Variants in BLM observed in about 807,000 individuals in gnomAD.
The protein encoded by BLM is BLM RecQ like helicase, also known as recQ-like DNA helicase BLM.
A neutral mutation model predicts 135.3 loss-of-function variants in BLM; 95 were observed. The observed-to-expected ratio is 0.70, with a 90% CI of 0.59 to 0.83. BLM has a LOEUF of 0.83. BLM is among the 40% of genes least tolerant of loss of function. BLM has a pLI of 0.00. For missense variants in BLM, 1,518 were observed against 1,663.9 expected (o/e 0.91, Z 1.53); for synonymous variants, 520 against 589.2 (o/e 0.88, Z 1.70).
At chr15:90,754,252 A>T (rs1895757889) in intron 4 of BLM, among the ~76,000 whole-genome samples, 1 of 152,202 alleles carries the variant, frequency 6.6e-6, no homozygotes, top group African/African-American at 2.4e-5. Flanking sequence ...CTATGTAATC[A>T]GACTGACCAG....
At chr15:90,814,123 G>A (rs576575187) in intron 21 of BLM, among the ~76,000 whole-genome samples, 1 of 152,354 alleles carries the variant, frequency 6.6e-6, no homozygotes, top group Admixed American at 6.5e-5. Flanking sequence ...CAGTAAAACT[G>A]CCTTGGAGCC....
intron 1 of BLM, among the ~76,000 whole-genome samples, chr15:90,738,582 A>AACAAT (rs1895282241): frequency 6.6e-6 from 1 of 151,524 alleles, no homozygotes; most frequent in Non-Finnish European, 1.5e-5. Context: ...AACAAAACAA[A>AACAAT]ACAAAACAAA....
intron 14 of BLM, among the ~76,000 whole-genome samples, chr15:90,790,002 T>TG (rs1896862164): frequency 9.9e-6 from 1 of 101,156 alleles, no homozygotes; most frequent in Non-Finnish European, 1.9e-5. Flanking sequence ...TTTTTTTTTT[T>TG]TTTTTTTTTT....
At chr15:90,735,767 A>G (rs1448758727) in intron 1 of BLM, among the ~76,000 whole-genome samples, 1 of 152,176 alleles carries the variant, frequency 6.6e-6, no homozygotes, top group Admixed American at 6.5e-5. Flanking sequence ...GAGAAGGGCA[A>G]TAAAAGAGGG....
At chr15:90,770,505 G>A (rs538241564) in intron 12 of BLM, among the ~76,000 whole-genome samples, 3 of 152,236 alleles carry the variant, frequency 2.0e-5, no homozygotes, top group South Asian at 4.1e-4. Flanking sequence ...AGGCTGTACT[G>A]GATTATTTTA....
At chr15:90,752,081 C>CA (rs140864968) in intron 4 of BLM, 135 bp downstream of exon 4, 1,335 of 779,276 alleles carry the variant, frequency 1.7e-3, no homozygotes, top group East Asian at 2.2e-3. Context: ...GTGAAAGCCT[C>CA]AAAAAAAAAC....
intron 17 of BLM, among the ~76,000 whole-genome samples, chr15:90,801,645 A>G (rs1487677578): frequency 6.6e-6 from 1 of 152,226 alleles, no homozygotes; most frequent in Non-Finnish European, 1.5e-5. Context: ...ACAGAAGGCA[A>G]GATTTCAGGT....
chr15:90,757,124 CT>C (rs1285668790), intron 5 of BLM, among the ~76,000 whole-genome samples: 4 of 152,192 alleles, frequency 2.6e-5, no homozygotes, highest in Non-Finnish European at 5.9e-5. Context: ...TTTCCTCCCC[CT>C]TAGAGCTCAC....
intron 1 of BLM, among the ~76,000 whole-genome samples, chr15:90,745,662 C>G (rs1895481257): frequency 6.6e-6 from 1 of 152,168 alleles, no homozygotes; most frequent in African/African-American, 2.4e-5. Context: ...CCGCTCACCT[C>G]AGCCTCCTAA....
At chr15:90,793,035 C>A (rs72751858) in intron 15 of BLM, among the ~76,000 whole-genome samples, 1 of 150,734 alleles carries the variant, frequency 6.6e-6, no homozygotes, top group Non-Finnish European at 1.5e-5. Context: ...AAATTTAGGC[C>A]CAAACAATTT....
At chr15:90,735,964 G>A (rs550518127) in intron 1 of BLM, among the ~76,000 whole-genome samples, 38 of 152,302 alleles carry the variant, frequency 2.5e-4, no homozygotes, top group African/African-American at 8.7e-4. Context: ...GAATACATGA[G>A]CAGATACAAT....
chr15:90,731,056 C>T (rs562180258), intron 1 of BLM, among the ~76,000 whole-genome samples: 1 of 152,276 alleles, frequency 6.6e-6, no homozygotes, highest in Non-Finnish European at 1.5e-5. Context: ...CCTCCCATCT[C>T]AGCTTCCCAA....
intron 16 of BLM, among the ~76,000 whole-genome samples, chr15:90,797,614 C>G (rs941674834): frequency 1.3e-5 from 2 of 151,722 alleles, no homozygotes; most frequent in African/African-American, 4.8e-5. Flanking sequence ...CACAGAAGCA[C>G]CAAGCATGAT....
At chr15:90,755,053 T>C (rs1222609872) in intron 5 of BLM, 115 bp downstream of exon 5, 2 of 1,313,960 alleles carry the variant, frequency 1.5e-6, no homozygotes, top group East Asian at 5.0e-5. Context: ...GGCAGATTTG[T>C]AGTTTCTTTT....
At chr15:90,801,148 CAAAAAAAAAAAAGTTGTA>C (rs35181441) in intron 17 of BLM, among the ~76,000 whole-genome samples, 57,423 of 134,312 alleles carry the variant, frequency 0.43, 12,012 homozygotes, top group East Asian at 0.58. Context: ...GACTCCATCT[CAAAAAAAAAAAAGTTGTA>C]AAAAAAAAAA....
Position 90,808,994 on chromosome 15 carries a change from C to T in BLM, c.3752-143C>T. ...GCTGCCTCTGAGGTGCTAACTTTGC[C>T]TTTTACAAAATTGGCCTGTGTTCCC... On this transcript the variant is annotated intron_variant, in intron 19 of 21. Coordinates refer to ENST00000355112, the MANE Select transcript of BLM (RefSeq NM_000057.4). The T allele has an allele frequency of 2.5e-6, 3 of 1,193,030 alleles. No individual in the cohort carries two copies. The South Asian group carries it at 3.7e-5, about 15-fold the overall frequency. The allele number at this position is 1,193,030 out of a possible 1,614,324, so 73.9% of individuals were successfully genotyped here.
chr15:90,728,933 A>T (rs1226363058), intron 1 of BLM, among the ~76,000 whole-genome samples: 1 of 151,902 alleles, frequency 6.6e-6, no homozygotes, highest in East Asian at 2.0e-4. Context: ...TAATCTCAGC[A>T]GTTTGGGAGG....
At position 90,765,323 on chromosome 15, in the gene BLM, T is replaced by G. The variant is rs759414733; in HGVS notation, c.2102T>G (p.Leu701Arg). ...TGGGKSLCYQLPACVSPGVTV... is the reference protein window; with the variant it reads ...TGGGKSLCYQRPACVSPGVTV... ...GGTGGTAAGAGTTTGTGTTACCAGC[T>G]CCCTGCCTGTGTTTCTCCTGGGGTC... Residue 701 changes from leucine to arginine, a missense_variant, in exon 9 of 22, where the codon CTC (leucine) becomes CGC (arginine). By Grantham distance (102) the Leu-to-Arg change is moderately radical. Around this residue, in one of 5 missense-constraint regions of BLM, gnomAD observed 626 missense variants for 681.1 expected, o/e 0.92. Transcript: ENST00000355112. 1.2e-6 allele frequency: 2 copies of G among 1,613,438 alleles called. No individual in the cohort carries two copies. The highest frequency in any genetic ancestry group is 1.7e-6 in the Non-Finnish European group (2 of 1,179,368).
chr15:90,731,246 T>C (rs954758101), intron 1 of BLM, among the ~76,000 whole-genome samples: 1 of 152,190 alleles, frequency 6.6e-6, no homozygotes, highest in Non-Finnish European at 1.5e-5. Context: ...TGGCTCTTGG[T>C]GTATTTTATA....
Sources: gnomAD v4.1 joint callset for allele counts (sites outside exome capture counted in the v4.1 genomes callset) on GRCh38, gnomAD v4.1.1 for gene constraint, gnomAD v4.1.1 regional missense constraint, MANE v1.5 for transcripts, NCBI Gene and HGNC (gene_info 2026-07-23, HGNC 2026-07-21) for gene names.